DIAPH3: variants seen among roughly 807,000 people sequenced by gnomAD.
DIAPH3 encodes the protein protein diaphanous homolog 3.
Under a neutral mutation model 144.3 loss-of-function variants are expected in DIAPH3, and 117 were observed. The observed-to-expected ratio is 0.81, with a 90% confidence interval of 0.70 to 0.95. The LOEUF is 0.95. Among genes scored for constraint, DIAPH3 ranks in the 40% least tolerant of loss-of-function variants. DIAPH3 has a pLI of 0.00. For missense variants in DIAPH3, 1,421 were observed against 1,412.7 expected (o/e 1.01, Z -0.09); for synonymous variants, 519 against 488.9 (o/e 1.06, Z -0.81).
chr13:59,882,557 C>T (rs1263763844), intron 20 of DIAPH3, among the ~76,000 whole-genome samples: 2 of 152,044 alleles, frequency 1.3e-5, no homozygotes, highest in African/African-American at 4.8e-5. Flanking sequence ...TGTTTTCCTG[C>T]TAAGAAAACT....
In DIAPH3 at chr13:59,839,201, T is replaced by C. The variant is rs935010080; in HGVS notation, c.2862+123A>G. 2.4e-6 allele frequency: 3 copies of C among 1,226,436 alleles called. No individual in the cohort carries two copies. The African/African-American group carries it at 4.5e-5, about 18-fold the overall frequency. 76.0% of individuals were successfully genotyped at this position (1,226,436 alleles called of 1,614,324 possible). Reference sequence around the variant, plus strand: ...AAATTTCCCTGCAAGAAGGCAAAGGTTAAACTTTCTGTAATTTGGCACTAC... The same window carrying C: ...AAATTTCCCTGCAAGAAGGCAAAGGCTAAACTTTCTGTAATTTGGCACTAC... On this transcript the variant is annotated intron_variant, in intron 23 of 27. Coordinates refer to ENST00000400324, the MANE Select transcript of DIAPH3 (RefSeq NM_001042517.2).
chr13:60,092,817 T>A (rs2057993619), intron 4 of DIAPH3, among the ~76,000 whole-genome samples: 1 of 152,322 alleles, frequency 6.6e-6, no homozygotes, highest in African/African-American at 2.4e-5. Flanking sequence ...AGCAGTTAAG[T>A]GGAGTTAAAG....
chr13:59,697,660 T>C (rs929480682), intron 27 of DIAPH3, among the ~76,000 whole-genome samples: 2 of 152,080 alleles, frequency 1.3e-5, no homozygotes, highest in African/African-American at 4.8e-5. Flanking sequence ...TAGAGATATG[T>C]GACAGATCTA....
intron 2 of DIAPH3, among the ~76,000 whole-genome samples, chr13:60,130,874 G>A (rs959471177): frequency 6.6e-6 from 1 of 152,120 alleles, no homozygotes; most frequent in Non-Finnish European, 1.5e-5. Flanking sequence ...ATGGGGGAAG[G>A]TCAGAGAAAG....
intron 4 of DIAPH3, among the ~76,000 whole-genome samples, chr13:60,079,552 T>A (rs2057480974): frequency 6.6e-6 from 1 of 151,922 alleles, no homozygotes; most frequent in African/African-American, 2.4e-5. Context: ...ACCATATACA[T>A]CTCCTATAAG....
intron 4 of DIAPH3, among the ~76,000 whole-genome samples, chr13:60,089,003 A>T (rs1334982890): frequency 1.3e-5 from 2 of 152,220 alleles, no homozygotes; most frequent in Non-Finnish European, 2.9e-5. Flanking sequence ...TAGATCAATA[A>T]GAATCCTTTT....
chr13:59,721,802 C>T (rs917449443), intron 27 of DIAPH3, among the ~76,000 whole-genome samples: 1 of 152,104 alleles, frequency 6.6e-6, no homozygotes, highest in African/African-American at 2.4e-5. Flanking sequence ...CCAGCCATGA[C>T]AGTAGGTAAA....
Position 60,163,817 on chromosome 13 carries a change from G to T in DIAPH3, c.-51C>A. The T allele has an allele frequency of 6.5e-7, 1 of 1,536,736 alleles. No homozygotes were observed. The highest frequency in any genetic ancestry group is 2.1e-4 in the Middle Eastern group (1 of 4,782). On this transcript the variant is annotated 5_prime_UTR_variant, in exon 1 of 28. Transcript: ENST00000400324. ...AAAGAAGGTGGCCACTCAGCAAGCC[G>T]CAAGCTGGAAGCTGAGGGATCGACA... is the stretch of plus-strand genomic sequence containing the variant.
chr13:59,718,545 G>A (rs571209025), intron 27 of DIAPH3, among the ~76,000 whole-genome samples: 3 of 152,228 alleles, frequency 2.0e-5, no homozygotes, highest in Admixed American at 1.3e-4. Context: ...AGGTTAATGT[G>A]CCTGTTAAGA....
chr13:59,684,107 G>A (rs1213617217), intron 27 of DIAPH3, among the ~76,000 whole-genome samples: 3 of 151,136 alleles, frequency 2.0e-5, no homozygotes, highest in Admixed American at 1.3e-4. Context: ...CTCTGACAAC[G>A]TTCTTGGTTT....
chr13:59,927,799 C>T (rs1011201001), intron 17 of DIAPH3, among the ~76,000 whole-genome samples: 4 of 152,176 alleles, frequency 2.6e-5, no homozygotes, highest in African/African-American at 7.2e-5. Context: ...TTTTCTCTTG[C>T]TATTTTTATA....
chr13:59,667,069 C>T (rs1197903842), intron 27 of DIAPH3, among the ~76,000 whole-genome samples: 1 of 152,144 alleles, frequency 6.6e-6, no homozygotes, highest in Non-Finnish European at 1.5e-5. Context: ...AGCACTAATG[C>T]CCATTTCCTT....
intron 17 of DIAPH3, among the ~76,000 whole-genome samples, chr13:59,935,976 C>T (rs567019364): frequency 1.5e-4 from 23 of 152,246 alleles, no homozygotes; most frequent in African/African-American, 4.6e-4. Flanking sequence ...ATTTCTCTTT[C>T]TGTGACATTC....
At chr13:60,073,235 G>C (rs555592123) in intron 4 of DIAPH3, among the ~76,000 whole-genome samples, 5 of 152,042 alleles carry the variant, frequency 3.3e-5, no homozygotes, top group East Asian at 3.9e-4. Flanking sequence ...CTTGAACCCA[G>C]CAGGTGGAGG....
intron 27 of DIAPH3, among the ~76,000 whole-genome samples, chr13:59,688,892 C>T (rs1203368642): frequency 1.3e-5 from 2 of 152,042 alleles, no homozygotes; most frequent in African/African-American, 4.8e-5. Flanking sequence ...ATGAAAAAAA[C>T]TCACATAACA....
At chr13:59,678,106 C>A (rs988027987) in intron 27 of DIAPH3, among the ~76,000 whole-genome samples, 2 of 152,072 alleles carry the variant, frequency 1.3e-5, no homozygotes, top group Non-Finnish European at 2.9e-5. Context: ...TGAGAGTGAC[C>A]TTTATGCTAT....
chr13:60,084,845 G>A (rs887304588), intron 4 of DIAPH3, among the ~76,000 whole-genome samples: 2 of 152,064 alleles, frequency 1.3e-5, no homozygotes, highest in Admixed American at 6.6e-5. Flanking sequence ...AGGGTTGTGG[G>A]GGAAACCACT....
intron 4 of DIAPH3, among the ~76,000 whole-genome samples, chr13:60,087,079 C>T (rs972150740): frequency 6.6e-6 from 1 of 152,096 alleles, no homozygotes; most frequent in Admixed American, 6.5e-5. Flanking sequence ...AACGTAAATG[C>T]TATGTAAATA....
rs569188549 is a variant in DIAPH3, at chr13:59,911,587, T to C, written c.2367+148A>G. ...TATTTTAAATCAAGGTAATTTCACA[T>C]GAATATCCTTAAGTTAAAAAAAAGT... On this transcript the variant is annotated intron_variant, in intron 20 of 27. Transcript: ENST00000400324. 281 of 664,906 alleles carry C rather than the reference T, an allele frequency of 4.2e-4. 1 individual carries two copies. Among genetic ancestry groups the C allele is most frequent in the Middle Eastern group, 3.1e-3 (12 of 3,812 alleles). 41.2% of individuals were successfully genotyped at this position (664,906 alleles called of 1,614,324 possible).
Sources: allele counts gnomAD v4.1 joint callset (sites outside exome capture counted in the v4.1 genomes callset), GRCh38; gene constraint gnomAD v4.1.1; transcripts MANE v1.5; gene names NCBI Gene and HGNC (gene_info 2026-07-23, HGNC 2026-07-21).